BCL9: variants seen among roughly 807,000 people sequenced by gnomAD.
The protein encoded by BCL9 is B-cell CLL/lymphoma 9 protein.
In BCL9, 25 loss-of-function variants were observed where a neutral mutation model predicts 88.5. That is an observed-to-expected ratio of 0.28 (90% confidence interval 0.21 to 0.39). The LOEUF is 0.39. Among genes scored for constraint, BCL9 ranks in the 10% least tolerant of loss-of-function variants. The probability of loss-of-function intolerance (pLI) is 1.00; values close to 1 mark genes in which losing one functional copy is unlikely to be tolerated. For synonymous variants in BCL9, 711 were observed against 673.3 expected (o/e 1.06, Z -0.87); for missense variants, 1,817 against 1,877.8 (o/e 0.97, Z 0.60).
chr1:147,620,639 C>T lies in BCL9; in HGVS notation c.2484C>T (p.Pro828=), dbSNP rs782243192. The T allele has an allele frequency of 7.4e-6, 12 of 1,614,052 alleles. No individual in the cohort carries two copies. The East Asian group carries it at 2.2e-4, about 30-fold the overall frequency. Residue 828 remains proline (P), a synonymous_variant, in exon 8 of 10, where the codon CCC becomes CCT. Transcript: ENST00000234739. ...PPLPLNPSSN[P]TSLNTAPPVQ... ...TACCTCTCAACCCTTCCAGTAACCC[C>T]ACCAGCCTCAACACAGCTCCTCCAG...
chr1:147,567,173 C>T (rs1655643548), intron 1 of BCL9, among the ~76,000 whole-genome samples: 2 of 152,156 alleles, frequency 1.3e-5, no homozygotes, highest in Admixed American at 6.5e-5. Flanking sequence ...CCCAACCCTC[C>T]TTCTGCTGAC....
chr1:147,581,596 G>A (rs1656373553), intron 1 of BCL9, among the ~76,000 whole-genome samples: 1 of 152,176 alleles, frequency 6.6e-6, no homozygotes, highest in Non-Finnish European at 1.5e-5. Context: ...TAGGAAAAAG[G>A]AAACCCTGTG....
chr1:147,564,324 G>A (rs587745089), intron 1 of BCL9, among the ~76,000 whole-genome samples: 4 of 152,098 alleles, frequency 2.6e-5, no homozygotes, highest in Non-Finnish European at 4.4e-5. Flanking sequence ...TATCTAGTTG[G>A]TGGATTATTG....
chr1:147,618,990 C>A lies in BCL9; in HGVS notation c.835C>A (p.Pro279Thr). The A allele has an allele frequency of 6.2e-7, 1 of 1,612,058 alleles. No homozygotes were observed. Among genetic ancestry groups the A allele is most frequent in the South Asian group, 1.1e-5 (1 of 90,834 alleles). ...APPRPLDRES[P>T]GVENKLIPSV... ...CCCACGTCCCCTGGACCGGGAGAGTCCTGGGGTAGAAAACAAACTGATTCC... is the reference window on the plus strand; with the variant it reads ...CCCACGTCCCCTGGACCGGGAGAGTACTGGGGTAGAAAACAAACTGATTCC... Residue 279 changes from proline (P) to threonine (T), a missense_variant, in exon 8 of 10, where the codon CCT becomes ACT. Physicochemically the swap from Pro to Thr is conservative, Grantham distance 38. Coordinates refer to ENST00000234739, the MANE Select transcript of BCL9 (RefSeq NM_004326.4).
chr1:147,575,835 T>C (rs1489241916), intron 1 of BCL9, among the ~76,000 whole-genome samples: 1 of 152,126 alleles, frequency 6.6e-6, no homozygotes, highest in East Asian at 1.9e-4. Flanking sequence ...ATGTGATGTA[T>C]AAATGCAGGT....
chr1:147,597,638 A>C (rs1230388319), intron 1 of BCL9, among the ~76,000 whole-genome samples: 1 of 152,232 alleles, frequency 6.6e-6, no homozygotes, highest in Non-Finnish European at 1.5e-5. Context: ...AAATGCATAC[A>C]AGGTAGAAAA....
intron 1 of BCL9, among the ~76,000 whole-genome samples, chr1:147,602,182 G>A (rs116216883): frequency 0.014 from 1,997 of 147,758 alleles, 29 homozygotes; most frequent in Non-Finnish European, 0.021. Flanking sequence ...ATTAACAGGT[G>A]TTAGCCACCG....
intron 1 of BCL9, among the ~76,000 whole-genome samples, chr1:147,564,337 C>A (rs1262588347): frequency 1.3e-5 from 2 of 151,812 alleles, no homozygotes; most frequent in African/African-American, 4.8e-5. Flanking sequence ...GATTATTGAG[C>A]CCCTGGCATT....
chr1:147,580,469 G>A (rs587648041), intron 1 of BCL9, among the ~76,000 whole-genome samples: 50 of 152,300 alleles, frequency 3.3e-4, no homozygotes, highest in South Asian at 6.2e-4. Flanking sequence ...CTGTGAGACT[G>A]AGTCTTCCTA....
In BCL9 at chr1:147,619,802, G is replaced by A. The variant is rs1553204767; in HGVS notation, c.1647G>A (p.Met549Ile). Residue 549 changes from methionine (M) to isoleucine (I), a missense_variant, in exon 8 of 10, where the codon ATG becomes ATA. This residue lies in a region of BCL9 where 1,228 missense variants were observed against 1,191.6 expected (regional missense o/e 1.03). Coordinates refer to ENST00000234739, the MANE Select transcript of BCL9 (RefSeq NM_004326.4). This position sits in a 1 kb window ranked among gnomAD's most constrained non-coding sequence, Gnocchi z 4.1. ...NMPHSLPPRG[M>I]APHPNMPGSQ... ...CACATTCTCTGCCCCCGAGGGGCAT[G>A]GCTCCCCACCCCAACATGCCAGGGA... 6.2e-7 allele frequency: 1 copy of A among 1,614,176 alleles called. No homozygotes were observed. The highest frequency in any genetic ancestry group is 1.1e-5 in the South Asian group (1 of 91,076).
intron 1 of BCL9, among the ~76,000 whole-genome samples, chr1:147,576,676 G>T (rs139113983): frequency 1.3e-4 from 20 of 152,210 alleles, no homozygotes; most frequent in African/African-American, 4.6e-4. Context: ...ACTCCTAGAT[G>T]ATGTTTCTGT....
chr1:147,620,336 A>C lies in BCL9; in HGVS notation c.2181A>C (p.Gly727=), dbSNP rs1658552163. The change falls in exon 8 of 10, where the codon GGA becomes GGC. Residue 727 remains glycine, a synonymous_variant. Coordinates refer to ENST00000234739, the MANE Select transcript of BCL9 (RefSeq NM_004326.4). ...KGDVNLNVNM[G]SNSQMIPQKM... is the part of the protein sequence containing the mutation. Reference sequence around the variant, plus strand: ...ATGTCAATCTAAATGTCAACATGGGATCCAACTCTCAGATGATACCTCAGA... The same window carrying C: ...ATGTCAATCTAAATGTCAACATGGGCTCCAACTCTCAGATGATACCTCAGA... 1.9e-6 allele frequency: 3 copies of C among 1,614,202 alleles called. No individual in the cohort carries two copies. Among genetic ancestry groups the C allele is most frequent in the Non-Finnish European group, 2.5e-6 (3 of 1,180,038 alleles).
intron 1 of BCL9, among the ~76,000 whole-genome samples, chr1:147,602,225 TAGA>T (rs1657432096): frequency 1.3e-5 from 2 of 148,612 alleles, no homozygotes. Flanking sequence ...TTTTTTTTTG[TAGA>T]TGGAGTCTCA....
In BCL9 at chr1:147,620,268, C is replaced by G. The variant is rs782485553; in HGVS notation, c.2113C>G (p.Arg705Gly). The G allele has an allele frequency of 3.1e-6, 5 of 1,614,144 alleles. No individual in the cohort carries two copies. Among genetic ancestry groups the G allele is most frequent in the Non-Finnish European group, 4.2e-6 (5 of 1,180,004 alleles). ...KGIPPQMGPG[R>G]ELEFGMVPSG... ...AATTCCCCCACAGATGGGCCCTGGT[C>G]GGGAACTTGAGTTTGGGATGGTTCC... Residue 705 changes from arginine to glycine, a missense_variant, in exon 8 of 10, where the codon CGG becomes GGG. Physicochemically the swap from Arg to Gly is moderately radical, Grantham distance 125. Around this residue, in one of 2 missense-constraint regions of BCL9, gnomAD observed 1,228 missense variants for 1,191.6 expected, o/e 1.03. Coordinates refer to ENST00000234739, the MANE Select transcript of BCL9 (RefSeq NM_004326.4).
At chr1:147,603,505 GT>G (rs111689515) in intron 1 of BCL9, among the ~76,000 whole-genome samples, 1 of 150,966 alleles carries the variant, frequency 6.6e-6, no homozygotes, top group African/African-American at 2.4e-5. Flanking sequence ...TTTTTGTTTT[GT>G]TTTTTTTTAA....
chr1:147,587,534 C>T (rs1014057741), intron 1 of BCL9, among the ~76,000 whole-genome samples: 10 of 152,104 alleles, frequency 6.6e-5, no homozygotes, highest in Non-Finnish European at 1.3e-4. Context: ...TCCCTATTCC[C>T]AAGTCTGGCT....
At chr1:147,574,904 G>A (rs1336220442) in intron 1 of BCL9, among the ~76,000 whole-genome samples, 1 of 152,152 alleles carries the variant, frequency 6.6e-6, no homozygotes, top group South Asian at 2.1e-4. Context: ...TTTCCAGAGA[G>A]GATGAGCCCT....
intron 7 of BCL9, among the ~76,000 whole-genome samples, chr1:147,617,501 A>C (rs1357099683): frequency 6.7e-6 from 1 of 148,244 alleles, no homozygotes; most frequent in East Asian, 2.0e-4. Context: ...TTAACTGTAC[A>C]GAATCATACA....
chr1:147,596,878 G>A (rs1657080185), intron 1 of BCL9, among the ~76,000 whole-genome samples: 1 of 152,132 alleles, frequency 6.6e-6, no homozygotes, highest in South Asian at 2.1e-4. Context: ...ACAAGCAGCA[G>A]GAGCCCATGG....
Sources: gnomAD v4.1 joint callset for allele counts (sites outside exome capture counted in the v4.1 genomes callset) on GRCh38, gnomAD v4.1.1 for gene constraint, gnomAD v4.1.1 regional missense constraint, Gnocchi (gnomAD v3.1) non-coding constraint, MANE v1.5 for transcripts, NCBI Gene and HGNC (gene_info 2026-07-23, HGNC 2026-07-21) for gene names.